The following NRG1 variants were observed in gnomAD, a reference collection of about 807,000 sequenced individuals.
NRG1 encodes neuregulin 1.
In NRG1, 18 loss-of-function variants were observed where a neutral mutation model predicts 63.8. The observed-to-expected ratio is 0.28, with a 90% CI of 0.19 to 0.42. NRG1 has a LOEUF of 0.42. NRG1 is among the 10% of genes least tolerant of loss of function. The pLI is 1.00. For missense variants in NRG1, 762 were observed against 814.7 expected (o/e 0.94, Z 0.79); for synonymous variants, 302 against 301.3 (o/e 1.00, Z -0.02).
chr8:31,935,369 C>T (rs938189132), intron 1 of NRG1, among the ~76,000 whole-genome samples: 5 of 151,952 alleles, frequency 3.3e-5, no homozygotes, highest in African/African-American at 4.8e-5. Context: ...GTGGTCCTCC[C>T]GCCTCAGCCT....
At chr8:32,585,324 T>C (rs550560311) in intron 1 of NRG1, among the ~76,000 whole-genome samples, 2 of 152,348 alleles carry the variant, frequency 1.3e-5, no homozygotes, top group East Asian at 1.9e-4. Context: ...TGTGAGTTGA[T>C]TGCTTTCAGT....
intron 1 of NRG1, among the ~76,000 whole-genome samples, chr8:31,747,532 G>C (rs1223897492): frequency 6.6e-6 from 1 of 151,980 alleles, no homozygotes; most frequent in East Asian, 1.9e-4. Context: ...CCTGTTTTGT[G>C]TAATGTGGTA....
chr8:31,918,917 T>G (rs1833652692), intron 1 of NRG1, among the ~76,000 whole-genome samples: 1 of 152,196 alleles, frequency 6.6e-6, no homozygotes, highest in Non-Finnish European at 1.5e-5. Flanking sequence ...AACTTCCTCC[T>G]GGTTTAGTCT....
At chr8:32,464,140 C>T (rs1038282498) in intron 1 of NRG1, among the ~76,000 whole-genome samples, 34 of 151,760 alleles carry the variant, frequency 2.2e-4, no homozygotes, top group African/African-American at 7.7e-4. Context: ...GTGATCCTCC[C>T]GCCTCAGTCC....
intron 1 of NRG1, among the ~76,000 whole-genome samples, chr8:32,524,776 G>A (rs1830662806): frequency 6.6e-6 from 1 of 152,064 alleles, no homozygotes; most frequent in African/African-American, 2.4e-5. Flanking sequence ...GTTTGTTCTT[G>A]TGTCATCCCA....
chr8:31,869,668 C>T (rs1179471105), intron 1 of NRG1, among the ~76,000 whole-genome samples: 1 of 152,112 alleles, frequency 6.6e-6, no homozygotes, highest in Admixed American at 6.6e-5. Flanking sequence ...TGGTTAGGTA[C>T]ATAGGAAATA....
chr8:31,743,044 A>G (rs1815457875), intron 1 of NRG1, among the ~76,000 whole-genome samples: 3 of 151,968 alleles, frequency 2.0e-5, no homozygotes, highest in Admixed American at 2.0e-4. Flanking sequence ...GGACCCATTT[A>G]CCAAGGGTGA....
At chr8:31,896,146 CAG>C (rs1831560958) in intron 1 of NRG1, among the ~76,000 whole-genome samples, 1 of 152,126 alleles carries the variant, frequency 6.6e-6, no homozygotes, top group African/African-American at 2.4e-5. Flanking sequence ...CTCACTAGAC[CAG>C]AGCTGCTTTA....
At chr8:32,055,322 ATATC>A (rs1335751603) in intron 1 of NRG1, among the ~76,000 whole-genome samples, 1 of 152,196 alleles carries the variant, frequency 6.6e-6, no homozygotes, top group Non-Finnish European at 1.5e-5. Flanking sequence ...ACACATTTCA[ATATC>A]TATTTAATGT....
chr8:32,644,267 T>G (rs1398344261), intron 5 of NRG1, among the ~76,000 whole-genome samples: 1 of 152,206 alleles, frequency 6.6e-6, no homozygotes, highest in African/African-American at 2.4e-5. Context: ...TAAGAGGACA[T>G]GGAAATGGGG....
At chr8:32,394,408 G>A (rs987281414) in intron 1 of NRG1, among the ~76,000 whole-genome samples, 1 of 152,044 alleles carries the variant, frequency 6.6e-6, no homozygotes, top group African/African-American at 2.4e-5. Context: ...TTTTATCTAC[G>A]TCTTCTCTGT....
rs367612179 is a variant in NRG1, at chr8:32,077,269, AG to A, written c.37+437840del. On this transcript the variant is annotated intron_variant, in intron 1 of 10. Coordinates refer to the NRG1 transcript ENST00000519301. ...ATAATCCCAGCTACTTGGGATACTG[AG>A]GCAGGAGAATCGCTGGAACCCGGGA... Among the ~76,000 whole-genome samples, 18 of 152,256 alleles carry A rather than the reference AG, an allele frequency of 1.2e-4. No individual in the cohort carries two copies. In the South Asian group the frequency reaches 3.7e-3, roughly 32 times the overall value.
chr8:31,888,742 G>A (rs895308526), intron 1 of NRG1, among the ~76,000 whole-genome samples: 1 of 151,770 alleles, frequency 6.6e-6, no homozygotes, highest in Non-Finnish European at 1.5e-5. Context: ...AAAGTTATTA[G>A]ATGCCCTAGG....
At chr8:32,498,039 T>A (rs1827419663) in intron 1 of NRG1, among the ~76,000 whole-genome samples, 2 of 152,142 alleles carry the variant, frequency 1.3e-5, no homozygotes, top group African/African-American at 4.8e-5. Context: ...GTCAGCCTAG[T>A]CTCGAACTCC....
intron 1 of NRG1, among the ~76,000 whole-genome samples, chr8:31,800,521 C>T (rs1468820975): frequency 1.3e-5 from 2 of 152,156 alleles, no homozygotes; most frequent in Non-Finnish European, 2.9e-5. Context: ...CGATCTTCAC[C>T]TAATGAGATA....
intron 1 of NRG1, among the ~76,000 whole-genome samples, chr8:32,413,357 T>C (rs1815381558): frequency 6.6e-6 from 1 of 152,178 alleles, no homozygotes; most frequent in African/African-American, 2.4e-5. Flanking sequence ...GTAAAAGGCC[T>C]GTTACAAGCC....
chr8:32,547,226 A>G (rs1833164141), upstream of NRG1, among the ~76,000 whole-genome samples: 1 of 152,148 alleles, frequency 6.6e-6, no homozygotes, highest in African/African-American at 2.4e-5. Flanking sequence ...GGGAGGGGTC[A>G]ATGCCTTCTT....
intron 1 of NRG1, among the ~76,000 whole-genome samples, chr8:32,027,342 T>C (rs1817540870): frequency 6.6e-6 from 1 of 152,134 alleles, no homozygotes; most frequent in South Asian, 2.1e-4. Flanking sequence ...AATTTCAAAT[T>C]GAGCTGGGTG....
At chr8:31,814,505 A>T (rs1166478839) in intron 1 of NRG1, among the ~76,000 whole-genome samples, 1 of 152,158 alleles carries the variant, frequency 6.6e-6, no homozygotes, top group Admixed American at 6.6e-5. Context: ...GGCACATAGG[A>T]TATATTTGCT....
Sources: allele counts gnomAD v4.1 joint callset (sites outside exome capture counted in the v4.1 genomes callset), GRCh38; gene constraint gnomAD v4.1.1; transcripts MANE v1.5; gene names NCBI Gene and HGNC (gene_info 2026-07-23, HGNC 2026-07-21).